ASCC3: variants seen among roughly 807,000 people sequenced by gnomAD.
ASCC3 encodes the protein activating signal cointegrator 1 complex subunit 3, also known as ASC-1 complex subunit P200.
ASCC3 carries 158 observed loss-of-function variants against 256.3 expected under a neutral mutation model. The observed-to-expected ratio is 0.62, with a 90% CI of 0.54 to 0.70. The LOEUF (loss-of-function observed/expected upper bound fraction) is 0.70, where lower values mean the gene tolerates loss of function less well. Among genes scored for constraint, ASCC3 ranks in the 30% least tolerant of loss-of-function variants. ASCC3 has a pLI of 0.00. For missense variants in ASCC3, 2,259 were observed against 2,626.0 expected (o/e 0.86, Z 3.05); for synonymous variants, 948 against 883.4 (o/e 1.07, Z -1.30).
Position 100,638,762 on chromosome 6 carries a change from G to A in ASCC3, c.3961C>T (p.Leu1321=), listed in dbSNP as rs745458906. The A allele has an allele frequency of 1.2e-6, 2 of 1,613,994 alleles. No homozygotes were observed. Among genetic ancestry groups the A allele is most frequent in the African/African-American group, 1.3e-5 (1 of 74,918 alleles). Residue 1321 remains leucine (L), a synonymous_variant, in exon 25 of 42, where the codon CTG becomes TTG. Transcript: ENST00000369162. ...TALGCKAYEA[L]YNFSHFNPVQ... ...GGGTTAAAGTGGCTGAAGTTGTACA[G>A]GGCTTCATATGCTTTACATCCCAAA...
chr6:100,527,330 A>G (rs1774625209), intron 37 of ASCC3, among the ~76,000 whole-genome samples: 2 of 152,198 alleles, frequency 1.3e-5, no homozygotes, highest in Admixed American at 1.3e-4. Context: ...TGGTCTAATT[A>G]TAAGCATTTA....
In ASCC3 at chr6:100,509,608, T is replaced by C. The variant is rs182171831; in HGVS notation, c.6462-75A>G. On this transcript the variant is annotated intron_variant, in intron 41 of 41. Coordinates refer to ENST00000369162, the MANE Select transcript of ASCC3 (RefSeq NM_006828.4). ...ATCATATTTAATTCTTTCAGAACTT[T>C]GGTAGTAGGAGGCTGGGTGCGGTGG... is the stretch of plus-strand genomic sequence containing the variant. The C allele has an allele frequency of 1.9e-5, 28 of 1,444,992 alleles. No individual in the cohort carries two copies. The African/African-American group carries it at 3.3e-4, about 17-fold the overall frequency. The allele number at this position is 1,444,992 out of a possible 1,614,324, so 89.5% of individuals were successfully genotyped here.
chr6:100,794,808 T>C (rs1176172794), intron 8 of ASCC3, among the ~76,000 whole-genome samples: 1 of 152,076 alleles, frequency 6.6e-6, no homozygotes, highest in Non-Finnish European at 1.5e-5. Flanking sequence ...CCATTTTTGC[T>C]GAATAACACC....
chr6:100,533,263 T>C lies in ASCC3; in HGVS notation c.5775+6900A>G, dbSNP rs369136431. ...TCATAAGGTTGGTACTAAGCATTTA[T>C]AATTACTGTGTAATTATAAACAAAA... On this transcript the variant is annotated intron_variant, in intron 37 of 41. Transcript: ENST00000369162. Among the ~76,000 whole-genome samples, 6 of 152,304 alleles carry C rather than the reference T, an allele frequency of 3.9e-5. No individual in the cohort carries two copies. In the South Asian group the frequency reaches 6.2e-4, roughly 16 times the overall value.
At chr6:100,864,552 C>T (rs949934027) in intron 2 of ASCC3, among the ~76,000 whole-genome samples, 19 of 152,098 alleles carry the variant, frequency 1.2e-4, no homozygotes, top group Non-Finnish European at 2.8e-4. Flanking sequence ...CACATCTTGC[C>T]ATTTTTCTAA....
rs776095423 is a variant in ASCC3 at position 100,531,470 on chromosome 6, C to T, written c.5775+8693G>A. Among the ~76,000 whole-genome samples the T allele has an allele frequency of 5.9e-5, 9 of 152,184 alleles. No individual in the cohort carries two copies. In the South Asian group the frequency reaches 6.2e-4, roughly 11 times the overall value. ...CCATTTATAAGAACTTCTTAAACTA[C>T]GCTTTGGGCTAGTTGCAAAGACTAT... On this transcript the variant is annotated intron_variant, in intron 37 of 41. Coordinates refer to ENST00000369162, the MANE Select transcript of ASCC3 (RefSeq NM_006828.4).
At chr6:100,517,720 T>C (rs1463670541) in intron 38 of ASCC3, among the ~76,000 whole-genome samples, 2 of 152,178 alleles carry the variant, frequency 1.3e-5, no homozygotes, top group African/African-American at 4.8e-5. Context: ...TATAAAAGAA[T>C]AAACACATTA....
chr6:100,862,341 T>C (rs1773264560), intron 3 of ASCC3, among the ~76,000 whole-genome samples: 1 of 152,210 alleles, frequency 6.6e-6, no homozygotes, highest in African/African-American at 2.4e-5. Flanking sequence ...AGACATTTTA[T>C]ACTTTCACAA....
At chr6:100,689,769 G>C (rs1323054565) in intron 13 of ASCC3, among the ~76,000 whole-genome samples, 1 of 152,078 alleles carries the variant, frequency 6.6e-6, no homozygotes, top group African/African-American at 2.4e-5. Context: ...TTCATGGATA[G>C]TTTTATTTAA....
chr6:100,550,190 T>G (rs1318648632), intron 36 of ASCC3, among the ~76,000 whole-genome samples: 3 of 151,956 alleles, frequency 2.0e-5, no homozygotes, highest in Admixed American at 1.3e-4. Flanking sequence ...ATTCACATTT[T>G]ATGTTTCTTT....
intron 13 of ASCC3, among the ~76,000 whole-genome samples, chr6:100,707,282 T>C (rs1286312090): frequency 1.3e-5 from 2 of 152,114 alleles, no homozygotes; most frequent in East Asian, 3.9e-4. Context: ...ATAATCCCTT[T>C]ACCAAAGCAT....
chr6:100,760,586 C>T (rs565781538), intron 10 of ASCC3, among the ~76,000 whole-genome samples: 7 of 152,162 alleles, frequency 4.6e-5, no homozygotes, highest in South Asian at 4.1e-4. Flanking sequence ...TTCAAACACC[C>T]TTGAAACAAA....
chr6:100,637,242 T>C (rs1774886275), intron 25 of ASCC3, among the ~76,000 whole-genome samples: 1 of 152,178 alleles, frequency 6.6e-6, no homozygotes, highest in Non-Finnish European at 1.5e-5. Flanking sequence ...AGAATTATGC[T>C]AAATCACCTC....
At chr6:100,542,675 C>T (rs766647889) in intron 36 of ASCC3, among the ~76,000 whole-genome samples, 10 of 149,170 alleles carry the variant, frequency 6.7e-5, no homozygotes, top group Admixed American at 2.0e-4. Context: ...AGCAAGACTC[C>T]GTCAAAAAAA....
chr6:100,849,457 A>C (rs1772554248), intron 3 of ASCC3, among the ~76,000 whole-genome samples: 1 of 152,188 alleles, frequency 6.6e-6, no homozygotes, highest in African/African-American at 2.4e-5. Context: ...TTGTACCATA[A>C]ACCTGAGATG....
chr6:100,699,744 T>C (rs1287004010), intron 13 of ASCC3, among the ~76,000 whole-genome samples: 1 of 152,014 alleles, frequency 6.6e-6, no homozygotes, highest in Admixed American at 6.6e-5. Context: ...TGGTCTTAGA[T>C]GGAGATGAGG....
At chr6:100,625,088 A>G (rs1774158428) in intron 30 of ASCC3, 104 bp downstream of exon 30, 1 of 1,365,390 alleles carries the variant, frequency 7.3e-7, no homozygotes, top group Non-Finnish European at 1.0e-6. Flanking sequence ...TGGCGGTATT[A>G]TGAATTTCTT....
intron 8 of ASCC3, among the ~76,000 whole-genome samples, chr6:100,782,174 TCTAGATC>T (rs1782481356): frequency 1.3e-5 from 2 of 152,282 alleles, no homozygotes; most frequent in Middle Eastern, 3.4e-3. Flanking sequence ...TCAACTAAAC[TCTAGATC>T]AGTGTATTTC....
At chr6:100,871,309 T>C (rs1198487286) in intron 1 of ASCC3, among the ~76,000 whole-genome samples, 1 of 152,118 alleles carries the variant, frequency 6.6e-6, no homozygotes, top group Non-Finnish European at 1.5e-5. Flanking sequence ...TTGGTCAGCC[T>C]GGCTTCAAAC....
Sources: gnomAD v4.1 joint callset for allele counts (sites outside exome capture counted in the v4.1 genomes callset) on GRCh38, gnomAD v4.1.1 for gene constraint, MANE v1.5 for transcripts, NCBI Gene and HGNC (gene_info 2026-07-23, HGNC 2026-07-21) for gene names.